Variants in GCGR observed in about 807,000 individuals in gnomAD.
GCGR encodes the protein glucagon receptor.
A neutral mutation model predicts 56.1 loss-of-function variants in GCGR; 41 were observed. The observed-to-expected ratio is 0.73, with a 90% CI of 0.57 to 0.95. GCGR has a LOEUF of 0.95. Ranked by LOEUF, GCGR falls within the 40% of genes least tolerant of loss-of-function variation. The pLI is 0.00. For missense variants in GCGR, 595 were observed against 638.2 expected (o/e 0.93, Z 0.73); for synonymous variants, 278 against 271.1 (o/e 1.03, Z -0.25).
rs374568739 is a variant in GCGR at position 81,812,633 on chromosome 17, A to T, written c.1005A>T (p.Ala335=). Residue 335 remains alanine (A), a synonymous_variant, in exon 11 of 14, where the codon GCA becomes GCT. Coordinates refer to ENST00000400723, the MANE Select transcript of GCGR (RefSeq NM_000160.5). This position sits in a 1 kb window ranked among gnomAD's most constrained non-coding sequence, Gnocchi z 8.5. ...IVQLLVAKLR[A]RQMHHTDYKF... is the part of the protein sequence containing the mutation. ...AGCTGCTCGTGGCCAAGCTGCGGGC[A>T]CGGCAGATGCACCACACAGACTACA... 2.0e-6 allele frequency: 3 copies of T among 1,536,262 alleles called. No homozygotes were observed. In the African/African-American group the frequency reaches 4.1e-5, roughly 21 times the overall value.
chr17:81,812,392 A>T lies in GCGR; in HGVS notation c.948+140A>T, dbSNP rs1435607741. On this transcript the variant is annotated intron_variant, in intron 10 of 13. Coordinates refer to ENST00000400723, the MANE Select transcript of GCGR (RefSeq NM_000160.5). The surrounding 1 kb of genome is among the most constrained non-coding windows in gnomAD (Gnocchi z 8.5). ...CAGACAGGACACCAGGACACTGGCC[A>T]GCACCCTGGACACTGAGCCAGGCTG... The T allele has an allele frequency of 3.7e-6, 4 of 1,091,176 alleles. No individual in the cohort carries two copies. The African/African-American group carries it at 4.7e-5, about 13-fold the overall frequency. The allele number at this position is 1,091,176 out of a possible 1,614,324, so 67.6% of individuals were successfully genotyped here.
chr17:81,806,760 G>A lies in GCGR; in HGVS notation c.-177-2082G>A, dbSNP rs147884606. On this transcript the variant is annotated intron_variant, in intron 1 of 13. Coordinates refer to ENST00000400723, the MANE Select transcript of GCGR (RefSeq NM_000160.5). This position sits in a 1 kb window ranked among gnomAD's most constrained non-coding sequence, Gnocchi z 6.5. ...TGCCCAGGGAGCTCCTGGCTGGGTG[G>A]TCCTCCCCCCAGGGTGAGCACGCGT... Among the ~76,000 whole-genome samples the A allele has an allele frequency of 4.7e-5, 7 of 149,098 alleles. No individual in the cohort carries two copies. The East Asian group carries it at 6.0e-4, about 13-fold the overall frequency.
At chr17:81,808,598 C>T (rs940687721) in intron 1 of GCGR, among the ~76,000 whole-genome samples, 2 of 151,192 alleles carry the variant, frequency 1.3e-5, no homozygotes, top group Non-Finnish European at 2.9e-5. Context: ...CCGCTCACTG[C>T]AAGCTCTGCC....
rs1568253999 is a variant in GCGR, at chr17:81,812,511, C to A, written c.949-66C>A. ...CACCTGCAGGAGGGTCAGGTGGGGC[C>A]TTCCAAGGGCACAGAGCTGTTCCCT... On this transcript the variant is annotated intron_variant, in intron 10 of 13. Coordinates refer to ENST00000400723, the MANE Select transcript of GCGR (RefSeq NM_000160.5). This position sits in a 1 kb window ranked among gnomAD's most constrained non-coding sequence, Gnocchi z 8.5. The A allele has an allele frequency of 6.9e-7, 1 of 1,456,426 alleles. No individual in the cohort carries two copies. Among genetic ancestry groups the A allele is most frequent in the Admixed American group, 2.0e-5 (1 of 48,938 alleles). 90.2% of individuals were successfully genotyped at this position (1,456,426 alleles called of 1,614,324 possible).
rs1251866608 is a variant in GCGR, at chr17:81,804,172, G to T, written c.-255G>T. ...CCCGATCTGGCAGCGCCGCGAAGAC[G>T]AGCGGTCACCGGCGCCCGACCCGAG... On this transcript the variant is annotated 5_prime_UTR_variant, in exon 1 of 14. Transcript: ENST00000400723. This position sits in a 1 kb window ranked among gnomAD's most constrained non-coding sequence, Gnocchi z 8.2. The T allele has an allele frequency of 1.3e-5, 2 of 151,394 alleles. No homozygotes were observed. The highest frequency in any genetic ancestry group is 2.0e-4 in the South Asian group (1 of 4,950). 9.4% of individuals were successfully genotyped at this position (151,394 alleles called of 1,614,324 possible). A position where few individuals can be genotyped will look rare whatever the true frequency, so the allele number is the denominator to read the frequency against.
At position 81,806,019 on chromosome 17, in the gene GCGR, C is replaced by G. The variant is rs895530137; in HGVS notation, c.-178+1770C>G. ...AGGAGCCTCCCTTCTTCCCTTCAGG[C>G]TGGTGTCACCTTCAGTGATGGGGCA... On this transcript the variant is annotated intron_variant, in intron 1 of 13. Transcript: ENST00000400723. This position sits in a 1 kb window ranked among gnomAD's most constrained non-coding sequence, Gnocchi z 6.5. 1.3e-5 allele frequency among the ~76,000 whole-genome samples: 2 copies of G among 152,136 alleles called. No individual in the cohort carries two copies. Among genetic ancestry groups the G allele is most frequent in the Admixed American group, 6.5e-5 (1 of 15,292 alleles).
Position 81,812,907 on chromosome 17 carries a change from G to T in GCGR, c.1138G>T (p.Ala380Ser). 1 of 1,536,092 alleles carries T rather than the reference G, an allele frequency of 6.5e-7. No homozygotes were observed. Among genetic ancestry groups the T allele is most frequent in the Non-Finnish European group, 8.7e-7 (1 of 1,146,754 alleles). Residue 380 changes from alanine (A) to serine (S), a missense_variant, in exon 12 of 14, where the codon GCC becomes TCC. Transcript: ENST00000400723. This position sits in a 1 kb window ranked among gnomAD's most constrained non-coding sequence, Gnocchi z 8.5. ...GCACGCCCAGGGCACCCTGCGCTCCGCCAAGCTCTTCTTCGACCTCTTCCT... is the reference window on the plus strand; with the variant it reads ...GCACGCCCAGGGCACCCTGCGCTCCTCCAAGCTCTTCTTCGACCTCTTCCT... ...DEHAQGTLRS[A>S]KLFFDLFLSS... is the part of the protein sequence containing the mutation.
At chr17:81,809,626 T>C (rs2038049240) in intron 2 of GCGR, among the ~76,000 whole-genome samples, 156 bp from the exon 3 acceptor site, 2 of 146,426 alleles carry the variant, frequency 1.4e-5, no homozygotes, top group Non-Finnish European at 3.0e-5. Flanking sequence ...TGTCTGTCCG[T>C]CTGCCTGCCT....
intron 2 of GCGR, among the ~76,000 whole-genome samples, 197 bp downstream of exon 2, chr17:81,809,275 CCTGTCTGCCTGTCCGTCTGCCTGT>C (rs1400321185): frequency 3.9e-5 from 5 of 127,880 alleles, no homozygotes; most frequent in African/African-American, 1.5e-4. Flanking sequence ...CATCTGCCTG[CCTGTCTGCCTGTCCGTCTGCCTGT>C]CTGTCTGCCT....
chr17:81,809,986 C>T (rs1239886203), intron 3 of GCGR, 102 bp downstream of exon 3: 2 of 891,434 alleles, frequency 2.2e-6, no homozygotes, highest in African/African-American at 3.3e-5. Context: ...CCTTTGAGGA[C>T]CCCGCCAAGG....
At chr17:81,807,576 C>G (rs763921621) in intron 1 of GCGR, among the ~76,000 whole-genome samples, 57 of 152,246 alleles carry the variant, frequency 3.7e-4, no homozygotes, top group Non-Finnish European at 5.4e-4. Context: ...ATCTCCTTGC[C>G]CCTCTCCCCG....
Position 81,811,076 on chromosome 17 carries a change from A to C in GCGR, c.338A>C (p.Gln113Pro). 1.3e-6 allele frequency: 2 copies of C among 1,536,150 alleles called. No homozygotes were observed. Among genetic ancestry groups the C allele is most frequent in the Non-Finnish European group, 8.7e-7 (1 of 1,146,820 alleles). ...DGQWVRGPRG[Q>P]PWRDASQCQM... ...CAGTGGGTGCGTGGACCCCGGGGGC[A>C]GCCTTGGCGTGATGCCTCCCAGTGC... Residue 113 changes from glutamine to proline, a missense_variant, in exon 5 of 14, where the codon CAG becomes CCG. Transcript: ENST00000400723. The surrounding 1 kb of genome is among the most constrained non-coding windows in gnomAD (Gnocchi z 5.8).
chr17:81,807,407 G>C (rs1031684128), intron 1 of GCGR, among the ~76,000 whole-genome samples: 2 of 152,210 alleles, frequency 1.3e-5, no homozygotes, highest in Non-Finnish European at 2.9e-5. Context: ...ACTGCTTGGG[G>C]CATCTCAGGC....
intron 1 of GCGR, among the ~76,000 whole-genome samples, chr17:81,807,586 G>A (rs556885631): frequency 6.6e-6 from 1 of 152,152 alleles, no homozygotes; most frequent in African/African-American, 2.4e-5. Flanking sequence ...CCCTCTCCCC[G>A]GCTTCCCCCT....
chr17:81,811,217 C>G lies in GCGR; in HGVS notation c.394-5C>G, dbSNP rs1033902372. On this transcript the variant is annotated splice_polypyrimidine_tract_variant and splice_region_variant and intron_variant, in intron 5 of 13. Coordinates refer to ENST00000400723, the MANE Select transcript of GCGR (RefSeq NM_000160.5). The surrounding 1 kb of genome is among the most constrained non-coding windows in gnomAD (Gnocchi z 5.8). ...CTGGCCCTCACAGGCCACTGTAACT[C>G]GCAGAAGGAGGTGGCCAAGATGTAC... 6.5e-7 allele frequency: 1 copy of G among 1,536,242 alleles called. No homozygotes were observed. The highest frequency in any genetic ancestry group is 8.7e-7 in the Non-Finnish European group (1 of 1,146,816).
Position 81,804,586 on chromosome 17 carries a change from G to A in GCGR, c.-178+337G>A, listed in dbSNP as rs1490614063. Among the ~76,000 whole-genome samples, 1 of 151,756 alleles carries A rather than the reference G, an allele frequency of 6.6e-6. No individual in the cohort carries two copies. Among genetic ancestry groups the A allele is most frequent in the African/African-American group, 2.4e-5 (1 of 41,350 alleles). ...CTGCAGCGGCCACACTCCCCACTCA[G>A]GGCCCCGGGCCCCGCCGCCCTGGGG... On this transcript the variant is annotated intron_variant, in intron 1 of 13. Coordinates refer to ENST00000400723, the MANE Select transcript of GCGR (RefSeq NM_000160.5). The surrounding 1 kb of genome is among the most constrained non-coding windows in gnomAD (Gnocchi z 8.2).
At position 81,810,721 on chromosome 17, in the gene GCGR, A is replaced by G; in HGVS notation, c.164-104A>G. ...CCCAGGCCATGTCCTGGGCGAGGTGACGGCCGAGCTCAGGCTTCCAGAGAG... is the reference window on the plus strand; with the variant it reads ...CCCAGGCCATGTCCTGGGCGAGGTGGCGGCCGAGCTCAGGCTTCCAGAGAG... On this transcript the variant is annotated intron_variant, in intron 3 of 13. Coordinates refer to ENST00000400723, the MANE Select transcript of GCGR (RefSeq NM_000160.5). The surrounding 1 kb of genome is among the most constrained non-coding windows in gnomAD (Gnocchi z 4.6). 1 of 1,096,008 alleles carries G rather than the reference A, an allele frequency of 9.1e-7. No homozygotes were observed. Among genetic ancestry groups the G allele is most frequent in the Admixed American group, 2.0e-5 (1 of 49,754 alleles). 67.9% of individuals were successfully genotyped at this position (1,096,008 alleles called of 1,614,324 possible). A position where few individuals can be genotyped will look rare whatever the true frequency, so the allele number is the denominator to read the frequency against.
Position 81,811,571 on chromosome 17 carries a change from C to G in GCGR, c.657+11C>G. On this transcript the variant is annotated intron_variant, in intron 7 of 13. Coordinates refer to ENST00000400723, the MANE Select transcript of GCGR (RefSeq NM_000160.5). The surrounding 1 kb of genome is among the most constrained non-coding windows in gnomAD (Gnocchi z 5.8). ...TGGCTCAGTGATGGAGTGAGCCCCC[C>G]TCGGCGGCCCCAGGCAGGTGGGTGG... 1.3e-6 allele frequency: 2 copies of G among 1,536,266 alleles called. No homozygotes were observed. Among genetic ancestry groups the G allele is most frequent in the South Asian group, 1.2e-5 (1 of 84,060 alleles).
At chr17:81,809,199 TCTGC>T in intron 2 of GCGR, 121 bp downstream of exon 2, 1 of 1,205,006 alleles carries the variant, frequency 8.3e-7, no homozygotes, top group Non-Finnish European at 1.2e-6. Flanking sequence ...TGTCTGCCCG[TCTGC>T]CTGCCCATCT....
Sources: allele counts gnomAD v4.1 joint callset (sites outside exome capture counted in the v4.1 genomes callset), GRCh38; gene constraint gnomAD v4.1.1; non-coding constraint Gnocchi (gnomAD v3.1); transcripts MANE v1.5; gene names NCBI Gene and HGNC (gene_info 2026-07-23, HGNC 2026-07-21).